SNAPIN: variants seen among roughly 807,000 people sequenced by gnomAD.
The protein encoded by SNAPIN is SNAP associated protein, also known as SNARE-associated protein Snapin.
SNAPIN carries 16 observed loss-of-function variants against 15.9 expected under a neutral mutation model. The observed-to-expected ratio is 1.01, with a 90% CI of 0.68 to 1.53. The LOEUF (loss-of-function observed/expected upper bound fraction) is 1.53, where lower values mean the gene tolerates loss of function less well. Ranked by LOEUF, SNAPIN falls within the 40% of genes most tolerant of loss-of-function variation. The probability of loss-of-function intolerance (pLI) is 0.00; values close to 1 mark genes in which losing one functional copy is unlikely to be tolerated. For missense variants in SNAPIN, 186 were observed against 180.1 expected (o/e 1.03, Z -0.19); for synonymous variants, 83 against 76.2 (o/e 1.09, Z -0.46).
chr1:153,659,395 C>A, intron 2 of SNAPIN, 53 bp from the exon 3 acceptor site: 1 of 1,468,076 alleles, frequency 6.8e-7, no homozygotes, highest in Non-Finnish European at 9.5e-7. Flanking sequence ...TGCTTTCCCT[C>A]AGAACAAGAG....
chr1:153,658,920 C>G, intron 1 of SNAPIN, 34 bp downstream of exon 1: 1 of 1,606,652 alleles, frequency 6.2e-7, no homozygotes, highest in Non-Finnish European at 8.5e-7. Flanking sequence ...CGGGGCCTGT[C>G]TCTCTGGCTT....
In SNAPIN at chr1:153,661,827, AT is replaced by A. The variant is rs1669175783; in HGVS notation, c.*527del. On this transcript the variant is annotated 3_prime_UTR_variant, in exon 4 of 4. Transcript: ENST00000368685. ...TCATTTTATTCAATAAATACTTAAA[AT>A]GATATTCTAGTTTACTCTGGTATAT... is the stretch of plus-strand genomic sequence containing the variant. 6.4e-6 allele frequency: 1 copy of A among 155,158 alleles called. No individual in the cohort carries two copies. The highest frequency in any genetic ancestry group is 1.4e-5 in the Non-Finnish European group (1 of 69,946). The allele number at this position is 155,158 out of a possible 1,614,324, so 9.6% of individuals were successfully genotyped here.
chr1:153,658,801 A>G lies in SNAPIN; in HGVS notation c.58A>G (p.Thr20Ala), dbSNP rs1669074334. ...GGCAGGGACCCCGGTGGCGGGGCCC[A>G]CAGGCCGCGACCTTTTCGCCGAAGG... ...SGAGTPVAGP[T>A]GRDLFAEGLL... The change falls in exon 1 of 4, where the codon ACA becomes GCA. Residue 20 changes from threonine (T) to alanine (A), a missense_variant. By Grantham distance (58) the Thr-to-Ala change is moderately conservative. Transcript: ENST00000368685. 6.3e-7 allele frequency: 1 copy of G among 1,587,028 alleles called. No homozygotes were observed. Among genetic ancestry groups the G allele is most frequent in the African/African-American group, 1.4e-5 (1 of 73,296 alleles).
chr1:153,659,027 G>A, intron 1 of SNAPIN, 111 bp from the exon 2 acceptor site: 1 of 1,546,656 alleles, frequency 6.5e-7, no homozygotes, highest in Non-Finnish European at 8.9e-7. Flanking sequence ...GGCCGCAGGT[G>A]GAGGGTTCAG....
chr1:153,659,860 C>CT (rs1669104031), intron 3 of SNAPIN, among the ~76,000 whole-genome samples: 1 of 152,120 alleles, frequency 6.6e-6, no homozygotes, highest in African/African-American at 2.4e-5. Context: ...CCTCCGCCTC[C>CT]CGAGTAACTA....
chr1:153,661,072 C>T (rs1014150257), intron 3 of SNAPIN, 128 bp from the exon 4 acceptor site: 2 of 660,382 alleles, frequency 3.0e-6, no homozygotes, highest in African/African-American at 1.8e-5. Context: ...GCCCGGCCTA[C>T]ATTCTTATAT....
intron 3 of SNAPIN, among the ~76,000 whole-genome samples, chr1:153,660,246 C>T (rs2101708472): frequency 6.6e-6 from 1 of 151,806 alleles, no homozygotes; most frequent in South Asian, 2.1e-4. Flanking sequence ...TGGTCCCAAA[C>T]TCCTGCATGC....
intron 3 of SNAPIN, among the ~76,000 whole-genome samples, chr1:153,660,001 C>T (rs1365908030): frequency 6.6e-6 from 1 of 152,072 alleles, no homozygotes; most frequent in African/African-American, 2.4e-5. Context: ...ACCCGAAGTG[C>T]TGAGACTACA....
chr1:153,659,682 T>G (rs1557948895), intron 3 of SNAPIN, 116 bp downstream of exon 3: 7 of 744,282 alleles, frequency 9.4e-6, no homozygotes, highest in Non-Finnish European at 1.6e-5. Context: ...CTTCTCCCAG[T>G]ACTTGAAAAA....
intron 3 of SNAPIN, among the ~76,000 whole-genome samples, chr1:153,659,833 G>T (rs988954891): frequency 1.3e-5 from 2 of 151,926 alleles, no homozygotes; most frequent in African/African-American, 4.8e-5. Context: ...TCCGCCCCCT[G>T]GGCTCAAGCA....
chr1:153,659,372 C>T, intron 2 of SNAPIN, 76 bp from the exon 3 acceptor site: 1 of 1,341,092 alleles, frequency 7.5e-7, no homozygotes. Flanking sequence ...TGTTTTCCAT[C>T]CCATTACCAG....
chr1:153,661,319 T>C lies in SNAPIN; in HGVS notation c.*18T>C. The C allele has an allele frequency of 6.3e-7, 1 of 1,580,946 alleles. No homozygotes were observed. ...GCAAATAACAGATGAGCCTATGGAC[T>C]CAGTAGCACAAGTACTGTTCCCCAG... On this transcript the variant is annotated 3_prime_UTR_variant, in exon 4 of 4. Transcript: ENST00000368685.
intron 2 of SNAPIN, 58 bp from the exon 3 acceptor site, chr1:153,659,390 T>A: frequency 7.0e-7 from 1 of 1,433,830 alleles, no homozygotes; most frequent in Non-Finnish European, 9.8e-7. Context: ...CAGCCTGCTT[T>A]CCCTCAGAAC....
chr1:153,660,068 G>A (rs1212944563), intron 3 of SNAPIN, among the ~76,000 whole-genome samples: 1 of 152,048 alleles, frequency 6.6e-6, no homozygotes, highest in Non-Finnish European at 1.5e-5. Flanking sequence ...TATCACCCAG[G>A]ATGGAGTGCA....
At chr1:153,660,847 C>T (rs1174863350) in intron 3 of SNAPIN, among the ~76,000 whole-genome samples, 1 of 150,068 alleles carries the variant, frequency 6.7e-6, no homozygotes, top group Admixed American at 6.7e-5. Flanking sequence ...TGCAGTGGCA[C>T]GATCTCATTT....
At chr1:153,658,684 G>A (rs1196058977), upstream of SNAPIN, 43 of 1,470,530 alleles carry the variant, frequency 2.9e-5, no homozygotes, top group Non-Finnish European at 3.8e-5. Flanking sequence ...GGGGCAGTGC[G>A]GCGCGGCTCC....
chr1:153,660,993 C>T (rs1422342530), intron 3 of SNAPIN, among the ~76,000 whole-genome samples: 2 of 151,634 alleles, frequency 1.3e-5, no homozygotes, highest in Non-Finnish European at 2.9e-5. Flanking sequence ...TGGTCTTGAA[C>T]TCCTGACCTC....
chr1:153,661,466 C>T lies in SNAPIN; in HGVS notation c.*165C>T, dbSNP rs1172290780. ...TCGTCTTACCCATTTATGTAGGGGC[C>T]CCAGGAAACCTACACACAGCCAGAA... On this transcript the variant is annotated 3_prime_UTR_variant, in exon 4 of 4. Coordinates refer to ENST00000368685, the MANE Select transcript of SNAPIN (RefSeq NM_012437.6). 1 of 484,530 alleles carries T rather than the reference C, an allele frequency of 2.1e-6. No homozygotes were observed. The highest frequency in any genetic ancestry group is 3.3e-5 in the East Asian group (1 of 30,034). The allele number at this position is 484,530 out of a possible 1,614,324, so 30.0% of individuals were successfully genotyped here.
chr1:153,659,440 A>G lies in SNAPIN; in HGVS notation c.191-8A>G, dbSNP rs1170076950. On this transcript the variant is annotated splice_region_variant and splice_polypyrimidine_tract_variant and intron_variant, in intron 2 of 3. Transcript: ENST00000368685. ...TAGATCTTAGCTGCACCTTACTTCC[A>G]TCCCCAGAACTGTGCCGCATAAATG... 3 of 1,606,330 alleles carry G rather than the reference A, an allele frequency of 1.9e-6. No individual in the cohort carries two copies. Among genetic ancestry groups the G allele is most frequent in the Non-Finnish European group, 2.6e-6 (3 of 1,173,086 alleles).
Sources: gnomAD v4.1 joint callset for allele counts (sites outside exome capture counted in the v4.1 genomes callset) on GRCh38, gnomAD v4.1.1 for gene constraint, MANE v1.5 for transcripts, NCBI Gene and HGNC (gene_info 2026-07-23, HGNC 2026-07-21) for gene names.